DLGAP2: variants seen among roughly 807,000 people sequenced by gnomAD.
The protein encoded by DLGAP2 is disks large-associated protein 2.
Under a neutral mutation model 100.3 loss-of-function variants are expected in DLGAP2, and 26 were observed. The observed-to-expected ratio is 0.26, with a 90% CI of 0.19 to 0.36. The LOEUF is 0.36. DLGAP2 is among the 10% of genes least tolerant of loss of function. The pLI is 1.00. For missense variants in DLGAP2, 1,858 were observed against 1,453.2 expected (o/e 1.28, Z -4.53); for synonymous variants, 886 against 630.1 (o/e 1.41, Z -6.08).
rs544765882 is a variant in DLGAP2, at chr8:1,176,848, C to A, written c.74-82003C>A. On this transcript the variant is annotated intron_variant, in intron 2 of 14. Coordinates refer to ENST00000637795, the MANE Select transcript of DLGAP2 (RefSeq NM_001346810.2). ...AACACACCCTCTGGCTTCTTTCCAC[C>A]CTCTCATGGAGTAGCAGAGAGAGCC... Among the ~76,000 whole-genome samples, 9 of 152,242 alleles carry A rather than the reference C, an allele frequency of 5.9e-5. No homozygotes were observed. The South Asian group carries it at 8.3e-4, about 14-fold the overall frequency.
At chr8:1,273,602 C>T (rs1312586075) in intron 3 of DLGAP2, among the ~76,000 whole-genome samples, 1 of 152,220 alleles carries the variant, frequency 6.6e-6, no homozygotes, top group Non-Finnish European at 1.5e-5. Context: ...GCAGAGGCAG[C>T]TCCATCCTTC....
chr8:1,583,336 C>T (rs965212705), intron 6 of DLGAP2, among the ~76,000 whole-genome samples: 1 of 152,122 alleles, frequency 6.6e-6, no homozygotes, highest in Non-Finnish European at 1.5e-5. Context: ...AGAAGACGGG[C>T]TCAGATATTC....
At chr8:1,151,649 G>A (rs1311091332) in intron 2 of DLGAP2, among the ~76,000 whole-genome samples, 1 of 152,204 alleles carries the variant, frequency 6.6e-6, no homozygotes, top group Non-Finnish European at 1.5e-5. Flanking sequence ...AGGGCAGAGA[G>A]CTCTTCCGGT....
chr8:1,085,329 G>C (rs115902924), intron 2 of DLGAP2, among the ~76,000 whole-genome samples: 1,618 of 152,144 alleles, frequency 0.011, 29 homozygotes, highest in African/African-American at 0.037. Flanking sequence ...TTACCTCATT[G>C]ATTCTTTGTT....
At chr8:1,344,140 A>C (rs1380563455) in intron 3 of DLGAP2, among the ~76,000 whole-genome samples, 9 of 151,376 alleles carry the variant, frequency 5.9e-5, no homozygotes, top group Middle Eastern at 3.4e-3. Context: ...GGGTCCGTGT[A>C]CTCGGGGCCC....
intron 6 of DLGAP2, among the ~76,000 whole-genome samples, chr8:1,573,154 G>A (rs1470265269): frequency 7.3e-6 from 1 of 136,068 alleles, no homozygotes; most frequent in Non-Finnish European, 1.5e-5. Context: ...TGGTGAACTG[G>A]AGGGGTAATC....
chr8:1,253,436 G>A lies in DLGAP2; in HGVS notation c.74-5415G>A, dbSNP rs185477843. Among the ~76,000 whole-genome samples the A allele has an allele frequency of 7.2e-5, 11 of 152,346 alleles. No individual in the cohort carries two copies. The East Asian group carries it at 7.7e-4, about 11-fold the overall frequency. On this transcript the variant is annotated intron_variant, in intron 2 of 14. Coordinates refer to ENST00000637795, the MANE Select transcript of DLGAP2 (RefSeq NM_001346810.2). ...CAGAAGCCAGAGATAGCATGCGCTCGGCTTCACAGACCTCAAAGCTGCCTC... is the reference window on the plus strand; with the variant it reads ...CAGAAGCCAGAGATAGCATGCGCTCAGCTTCACAGACCTCAAAGCTGCCTC...
chr8:1,311,194 T>G (rs1163220749), intron 3 of DLGAP2, among the ~76,000 whole-genome samples: 5 of 152,106 alleles, frequency 3.3e-5, no homozygotes, highest in Admixed American at 3.3e-4. Context: ...ATGGACAAAT[T>G]TATATAACAA....
rs537062087 is a variant in DLGAP2, at chr8:1,081,657, A to G, written c.73+173691A>G. On this transcript the variant is annotated intron_variant, in intron 2 of 14. Coordinates refer to ENST00000637795, the MANE Select transcript of DLGAP2 (RefSeq NM_001346810.2). ...TGACCCCCACGCCTGGCTAGTTTTG[A>G]GAAAAAATATTCAAGATTGTGTTCC... Among the ~76,000 whole-genome samples, 6 of 152,272 alleles carry G rather than the reference A, an allele frequency of 3.9e-5. No individual in the cohort carries two copies. The South Asian group carries it at 1.2e-3, about 32-fold the overall frequency.
In DLGAP2 at chr8:822,100, G is replaced by A. The variant is rs1407085853; in HGVS notation, c.18+84275G>A. ...ATCCATTCCTCACCTAGGCTTTCTC[G>A]CCATCCGAGGCTTGGCCCTAGCCCT... On this transcript the variant is annotated intron_variant, in intron 1 of 14. Transcript: ENST00000637795. 4 of 398,870 alleles carry A rather than the reference G, an allele frequency of 1.0e-5. No homozygotes were observed. The Admixed American group carries it at 1.3e-4, about 13-fold the overall frequency. 24.7% of individuals were successfully genotyped at this position (398,870 alleles called of 1,614,324 possible).
intron 1 of DLGAP2, among the ~76,000 whole-genome samples, chr8:902,827 G>A (rs1419064134): frequency 3.3e-5 from 1 of 29,902 alleles, no homozygotes; most frequent in East Asian, 1.0e-3. Flanking sequence ...GGGCGGGGCC[G>A]CCGGCGTGGA....
At chr8:1,158,543 T>C (rs10109919) in intron 2 of DLGAP2, among the ~76,000 whole-genome samples, 28,796 of 152,266 alleles carry the variant, frequency 0.19, 2,914 homozygotes, top group Middle Eastern at 0.34. Context: ...CTAAAGATAG[T>C]GTTTTCCTAT....
At chr8:1,541,283 T>C (rs181424338) in intron 4 of DLGAP2, among the ~76,000 whole-genome samples, 2 of 152,342 alleles carry the variant, frequency 1.3e-5, no homozygotes, top group East Asian at 3.9e-4. Context: ...GAGACCTCTG[T>C]TGGTAGTTTA....
intron 2 of DLGAP2, among the ~76,000 whole-genome samples, chr8:1,179,824 C>G (rs1006425798): frequency 1.3e-5 from 2 of 152,188 alleles, no homozygotes; most frequent in South Asian, 4.2e-4. Flanking sequence ...TACATTTATA[C>G]CCAGTGATTG....
At chr8:1,374,106 A>C (rs9772049) in intron 3 of DLGAP2, among the ~76,000 whole-genome samples, 5 of 136,534 alleles carry the variant, frequency 3.7e-5, no homozygotes, top group African/African-American at 1.4e-4. Flanking sequence ...TTTGCAGAGG[A>C]CTGTGTGGTG....
Position 1,159,900 on chromosome 8 carries a change from G to A in DLGAP2, c.74-98951G>A, listed in dbSNP as rs1010850533. ...ACCCCTGAAGGAGGCATGGACACCA[G>A]GCTGTAGAATGCTGCTCCCACCTCC... On this transcript the variant is annotated intron_variant, in intron 2 of 14. Transcript: ENST00000637795. Among the ~76,000 whole-genome samples the A allele has an allele frequency of 1.0e-3, 158 of 152,320 alleles. 1 individual carries two copies. Among genetic ancestry groups the A allele is most frequent in the African/African-American group, 3.5e-3 (145 of 41,578 alleles).
intron 3 of DLGAP2, among the ~76,000 whole-genome samples, chr8:1,332,238 A>G (rs372382626): frequency 6.6e-6 from 1 of 152,072 alleles, no homozygotes; most frequent in Non-Finnish European, 1.5e-5. Flanking sequence ...GTGCCTGCAT[A>G]TGTGAGTATA....
At chr8:800,435 C>G (rs1003169571) in intron 1 of DLGAP2, among the ~76,000 whole-genome samples, 2 of 152,210 alleles carry the variant, frequency 1.3e-5, no homozygotes, top group Non-Finnish European at 2.9e-5. Flanking sequence ...GTAACCAACA[C>G]CAGGGGCCCA....
chr8:1,161,757 TC>T (rs1796894322), intron 2 of DLGAP2, among the ~76,000 whole-genome samples: 1 of 151,174 alleles, frequency 6.6e-6, no homozygotes, highest in South Asian at 2.1e-4. Flanking sequence ...AGATGAAGCC[TC>T]CCCCGGGTGC....
Sources: allele counts gnomAD v4.1 joint callset (sites outside exome capture counted in the v4.1 genomes callset), GRCh38; gene constraint gnomAD v4.1.1; transcripts MANE v1.5; gene names NCBI Gene and HGNC (gene_info 2026-07-23, HGNC 2026-07-21).